GRM5: variants seen among roughly 807,000 people sequenced by gnomAD.
The protein encoded by GRM5 is glutamate metabotropic receptor 5.
In GRM5, 19 loss-of-function variants were observed where a neutral mutation model predicts 83.1. The ratio of observed to expected loss-of-function variants is 0.23; its 90% CI spans 0.16 to 0.34. The LOEUF (loss-of-function observed/expected upper bound fraction) is 0.34, where lower values mean the gene tolerates loss of function less well. GRM5 is among the 10% of genes least tolerant of loss of function. GRM5 has a pLI of 1.00. For missense variants in GRM5, 1,160 were observed against 1,588.3 expected (o/e 0.73, Z 4.58); for synonymous variants, 675 against 633.6 (o/e 1.07, Z -0.98).
intron 3 of GRM5, among the ~76,000 whole-genome samples, chr11:88,699,366 G>A (rs2135370278): frequency 6.6e-6 from 1 of 152,168 alleles, no homozygotes; most frequent in East Asian, 1.9e-4. Flanking sequence ...CATTTCCTAG[G>A]CCTTATCTCT....
At chr11:89,051,385 C>A (rs953365782) in intron 1 of GRM5, among the ~76,000 whole-genome samples, 1 of 152,056 alleles carries the variant, frequency 6.6e-6, no homozygotes, top group African/African-American at 2.4e-5. Flanking sequence ...AAGGTCCAGG[C>A]CATGCAGGAT....
intron 4 of GRM5, among the ~76,000 whole-genome samples, chr11:88,630,393 C>G (rs1259330721): frequency 6.6e-6 from 1 of 152,140 alleles, no homozygotes; most frequent in Non-Finnish European, 1.5e-5. Flanking sequence ...AATGACTCTT[C>G]TAGTTTTAAT....
At chr11:89,045,466 T>C (rs1168007453) in intron 2 of GRM5, among the ~76,000 whole-genome samples, 1 of 152,150 alleles carries the variant, frequency 6.6e-6, no homozygotes, top group African/African-American at 2.4e-5. Flanking sequence ...TATACAGAAA[T>C]GCCCCTTGTT....
chr11:88,897,898 G>C (rs1235261397), intron 2 of GRM5, among the ~76,000 whole-genome samples: 1 of 151,972 alleles, frequency 6.6e-6, no homozygotes, highest in Non-Finnish European at 1.5e-5. Flanking sequence ...AACCAGGAAA[G>C]GATGATTGTG....
At chr11:88,547,944 C>G (rs373576049) in intron 8 of GRM5, among the ~76,000 whole-genome samples, 3 of 152,158 alleles carry the variant, frequency 2.0e-5, no homozygotes, top group East Asian at 3.9e-4. Flanking sequence ...ATCTCTATGC[C>G]TACCAACTAA....
chr11:88,685,563 A>G (rs1725053799), intron 3 of GRM5, among the ~76,000 whole-genome samples: 1 of 152,228 alleles, frequency 6.6e-6, no homozygotes, highest in Non-Finnish European at 1.5e-5. Flanking sequence ...TCTCCAAGGC[A>G]TGTCAGAGAT....
At chr11:88,690,574 A>G (rs1306584565) in intron 3 of GRM5, among the ~76,000 whole-genome samples, 3 of 152,156 alleles carry the variant, frequency 2.0e-5, no homozygotes, top group Non-Finnish European at 4.4e-5. Flanking sequence ...TTTGGCATTG[A>G]TAGGTAAATA....
In GRM5 at chr11:89,009,174, T is replaced by C. The variant is rs115457689; in HGVS notation, c.661+38038A>G. ...TATAAGTTAATTTTAAGTGTATAAA[T>C]GAATAAATTTGTTAACACAAAGGTA... On this transcript the variant is annotated intron_variant, in intron 2 of 9. Coordinates refer to ENST00000305447, the MANE Select transcript of GRM5 (RefSeq NM_001143831.3). The C allele has an allele frequency of 6.3e-3, 4,202 of 663,896 alleles. 126 individuals are homozygous for C. The African/African-American group carries it at 0.066, about 10-fold the overall frequency. 41.1% of individuals were successfully genotyped at this position (663,896 alleles called of 1,614,324 possible). A position where few individuals can be genotyped will look rare whatever the true frequency, so the allele number is the denominator to read the frequency against.
At chr11:88,861,384 C>T (rs1289540055) in intron 2 of GRM5, among the ~76,000 whole-genome samples, 2 of 151,992 alleles carry the variant, frequency 1.3e-5, no homozygotes, top group African/African-American at 4.8e-5. Context: ...CCTGGAATAC[C>T]CTTCTATTTA....
chr11:88,561,468 C>T (rs1197579062), intron 8 of GRM5, among the ~76,000 whole-genome samples: 1 of 152,134 alleles, frequency 6.6e-6, no homozygotes, highest in Non-Finnish European at 1.5e-5. Flanking sequence ...CCATGAAAGG[C>T]CCATTGCATT....
intron 3 of GRM5, among the ~76,000 whole-genome samples, chr11:88,722,469 T>TAAC (rs1175451810): frequency 6.6e-6 from 1 of 152,078 alleles, no homozygotes; most frequent in Non-Finnish European, 1.5e-5. Flanking sequence ...TACTTTATGG[T>TAAC]AACTTTTGTA....
intron 2 of GRM5, among the ~76,000 whole-genome samples, chr11:89,010,940 T>C (rs1940678400): frequency 6.6e-6 from 1 of 152,236 alleles, no homozygotes; most frequent in South Asian, 2.1e-4. Context: ...TGATGGACTC[T>C]AGGTAACTTA....
At chr11:88,783,819 C>T (rs1420432066) in intron 3 of GRM5, among the ~76,000 whole-genome samples, 2 of 151,852 alleles carry the variant, frequency 1.3e-5, no homozygotes, top group Non-Finnish European at 2.9e-5. Context: ...ATGAAAATAC[C>T]TACTTTTCAG....
chr11:88,601,503 C>T (rs796143544), intron 5 of GRM5, among the ~76,000 whole-genome samples: 4 of 152,066 alleles, frequency 2.6e-5, no homozygotes, highest in African/African-American at 9.6e-5. Flanking sequence ...CAAGAGATTA[C>T]AATATGCATT....
chr11:88,652,143 T>C (rs1336764519), intron 4 of GRM5, among the ~76,000 whole-genome samples: 1 of 152,110 alleles, frequency 6.6e-6, no homozygotes. Context: ...TCAGAGCAAG[T>C]ATTTACTCTA....
At chr11:88,623,730 T>C (rs1417804794) in intron 4 of GRM5, among the ~76,000 whole-genome samples, 1 of 152,164 alleles carries the variant, frequency 6.6e-6, no homozygotes, top group African/African-American at 2.4e-5. Flanking sequence ...TGCAATCAAG[T>C]TCACGATAGG....
chr11:88,560,204 G>T lies in GRM5; in HGVS notation c.2630+6849C>A, dbSNP rs1942723234. Among the ~76,000 whole-genome samples, 3 of 152,214 alleles carry T rather than the reference G, an allele frequency of 2.0e-5. No individual in the cohort carries two copies. In the South Asian group the frequency reaches 6.2e-4, roughly 32 times the overall value. On this transcript the variant is annotated intron_variant, in intron 8 of 9. Transcript: ENST00000305447. ...TTTATGGCTCTATCCTGTCCTACTG[G>T]GCGGAGAAGCCCTGAAGGCTTCTAA...
chr11:88,809,262 T>C (rs1435275114), intron 3 of GRM5, among the ~76,000 whole-genome samples: 1 of 152,074 alleles, frequency 6.6e-6, no homozygotes, highest in Non-Finnish European at 1.5e-5. Flanking sequence ...TATTTTCTTA[T>C]GTTTCATCAG....
At chr11:89,028,849 A>T (rs951426480) in intron 2 of GRM5, among the ~76,000 whole-genome samples, 4 of 152,156 alleles carry the variant, frequency 2.6e-5, no homozygotes, top group African/African-American at 9.7e-5. Flanking sequence ...TTTGTTACAT[A>T]GGTATACACA....
Sources: allele counts gnomAD v4.1 joint callset (sites outside exome capture counted in the v4.1 genomes callset), GRCh38; gene constraint gnomAD v4.1.1; transcripts MANE v1.5; gene names NCBI Gene and HGNC (gene_info 2026-07-23, HGNC 2026-07-21).